CDH23: variants seen among roughly 807,000 people sequenced by gnomAD.
The protein encoded by CDH23 is cadherin-23.
Under a neutral mutation model 317.1 loss-of-function variants are expected in CDH23, and 189 were observed. The ratio of observed to expected loss-of-function variants is 0.60; its 90% CI spans 0.53 to 0.67. The LOEUF (loss-of-function observed/expected upper bound fraction) is 0.67. Among genes scored for constraint, CDH23 ranks in the 30% least tolerant of loss-of-function variants. CDH23 has a pLI of 0.00. For synonymous variants in CDH23, 1,839 were observed against 1,876.8 expected, an observed-to-expected ratio of 0.98 and a Z score of 0.52; for missense variants, 4,401 against 4,592.4, an observed-to-expected ratio of 0.96 and a Z score of 1.20.
chr10:71,580,008 G>T (rs1021284670), intron 9 of CDH23, among the ~76,000 whole-genome samples: 1 of 152,178 alleles, frequency 6.6e-6, no homozygotes, highest in Non-Finnish European at 1.5e-5. Context: ...GGAGCAGAGA[G>T]CCAGGACTTG....
At chr10:71,702,921 A>G (rs1865647351) in intron 24 of CDH23, among the ~76,000 whole-genome samples, 1 of 152,210 alleles carries the variant, frequency 6.6e-6, no homozygotes, top group African/African-American at 2.4e-5. Flanking sequence ...TCTGGAAGTC[A>G]TGTCCAAGTT....
chr10:71,812,315 T>A (rs747092318), intron 66 of CDH23, 165 bp from the exon 67 acceptor site: 1 of 1,598,780 alleles, frequency 6.3e-7, no homozygotes, highest in South Asian at 1.1e-5. Flanking sequence ...TCCAGCAGGA[T>A]CCTATGGTGG....
At chr10:71,513,247 T>C (rs1854095536) in intron 6 of CDH23, among the ~76,000 whole-genome samples, 1 of 152,134 alleles carries the variant, frequency 6.6e-6, no homozygotes, top group African/African-American at 2.4e-5. Flanking sequence ...GGGGATGTGG[T>C]ATCAGCTGGA....
intron 3 of CDH23, among the ~76,000 whole-genome samples, chr10:71,469,169 G>T (rs964803332): frequency 2.0e-5 from 3 of 152,174 alleles, no homozygotes; most frequent in African/African-American, 7.2e-5. Context: ...ATGATAGACT[G>T]CACCACTTAA....
chr10:71,738,734 C>T lies in CDH23; in HGVS notation c.4359+87C>T. The T allele has an allele frequency of 2.0e-6, 3 of 1,467,082 alleles. 1 individual carries two copies. Among genetic ancestry groups the T allele is most frequent in the Non-Finnish European group, 2.8e-6 (3 of 1,085,574 alleles). 90.9% of individuals were successfully genotyped at this position (1,467,082 alleles called of 1,614,324 possible). On this transcript the variant is annotated intron_variant, in intron 35 of 69. Transcript: ENST00000224721. ...AGCTGGAGGGGCCTTCTGAGCCACC[C>T]CCATCACCAAGCACCAGGTTCTTCC...
intron 7 of CDH23, 115 bp from the exon 8 acceptor site, chr10:71,570,675 C>T: frequency 5.1e-6 from 6 of 1,168,632 alleles, no homozygotes; most frequent in Non-Finnish European, 7.3e-6. Context: ...TGTGCGTGTG[C>T]ATGTGTTTGC....
intron 32 of CDH23, among the ~76,000 whole-genome samples, chr10:71,733,007 C>A (rs1214416549): frequency 6.6e-6 from 1 of 152,198 alleles, no homozygotes; most frequent in Non-Finnish European, 1.5e-5. Flanking sequence ...CTCAGTCTCA[C>A]AAAACTGCCT....
At chr10:71,657,118 C>A (rs1336850165) in intron 14 of CDH23, among the ~76,000 whole-genome samples, 1 of 152,210 alleles carries the variant, frequency 6.6e-6, no homozygotes, top group Non-Finnish European at 1.5e-5. Context: ...GTGCATGCGT[C>A]TCCATCTCCG....
intron 2 of CDH23, among the ~76,000 whole-genome samples, chr10:71,442,412 T>C (rs562074999): frequency 1.8e-3 from 269 of 152,234 alleles, no homozygotes; most frequent in African/African-American, 6.0e-3. Flanking sequence ...TAGACACCCC[T>C]GACCTAGCCC....
At chr10:71,637,595 G>A (rs1862336633) in intron 11 of CDH23, among the ~76,000 whole-genome samples, 1 of 152,168 alleles carries the variant, frequency 6.6e-6, no homozygotes, top group African/African-American at 2.4e-5. Context: ...CAACTCCAGA[G>A]GTTGTGGCTT....
rs563572494 is a variant in CDH23, at chr10:71,800,492, T to A, written c.7363-144T>A. ...GTGAGAGCAAGAAGAGCCCCTAGAATGGGAGCTTGCTGGGGGCAGAGGTTA... is the reference window on the plus strand; with the variant it reads ...GTGAGAGCAAGAAGAGCCCCTAGAAAGGGAGCTTGCTGGGGGCAGAGGTTA... On this transcript the variant is annotated intron_variant, in intron 52 of 69. Coordinates refer to ENST00000224721, the MANE Select transcript of CDH23 (RefSeq NM_022124.6). 3.0e-6 allele frequency: 3 copies of A among 1,014,894 alleles called. No homozygotes were observed. The African/African-American group carries it at 4.8e-5, about 16-fold the overall frequency. 62.9% of individuals were successfully genotyped at this position (1,014,894 alleles called of 1,614,324 possible).
intron 21 of CDH23, 134 bp downstream of exon 21, chr10:71,694,393 C>T: frequency 1.5e-6 from 1 of 688,434 alleles, no homozygotes; most frequent in Non-Finnish European, 2.5e-6. Flanking sequence ...CGAAAATGAA[C>T]CCATCAGCAG....
intron 44 of CDH23, among the ~76,000 whole-genome samples, chr10:71,786,875 G>T (rs1179417808): frequency 6.6e-6 from 1 of 151,724 alleles, no homozygotes; most frequent in Non-Finnish European, 1.5e-5. Context: ...CTTCAGGAGG[G>T]CCCCGGGTAA....
At chr10:71,559,391 C>T (rs541214491) in intron 6 of CDH23, among the ~76,000 whole-genome samples, 4 of 152,284 alleles carry the variant, frequency 2.6e-5, no homozygotes, top group African/African-American at 7.2e-5. Context: ...TATTGAATGC[C>T]TTCTATGCAC....
chr10:71,669,112 C>T (rs777182249), intron 14 of CDH23, among the ~76,000 whole-genome samples: 34 of 152,186 alleles, frequency 2.2e-4, no homozygotes, highest in Non-Finnish European at 4.0e-4. Context: ...GAGCGCTGAG[C>T]GGCCATTGAT....
intron 9 of CDH23, among the ~76,000 whole-genome samples, chr10:71,588,527 A>T (rs1859243939): frequency 6.6e-6 from 1 of 152,136 alleles, no homozygotes; most frequent in African/African-American, 2.4e-5. Context: ...TATTAGCATT[A>T]AAAAAATTAT....
intron 3 of CDH23, among the ~76,000 whole-genome samples, chr10:71,455,930 G>A (rs559999502): frequency 6.6e-5 from 10 of 152,224 alleles, no homozygotes; most frequent in South Asian, 4.2e-4. Flanking sequence ...GCTGGGGTCC[G>A]GATTGCAGCT....
At chr10:71,614,003 A>G (rs1208113528) in intron 9 of CDH23, among the ~76,000 whole-genome samples, 4 of 152,364 alleles carry the variant, frequency 2.6e-5, no homozygotes, top group Non-Finnish European at 4.4e-5. Flanking sequence ...TGTGGGGCAG[A>G]TGCCATTATT....
chr10:71,666,356 C>A (rs1219949965), intron 14 of CDH23, among the ~76,000 whole-genome samples: 1 of 152,098 alleles, frequency 6.6e-6, no homozygotes, highest in Non-Finnish European at 1.5e-5. Flanking sequence ...AGGACGTGTA[C>A]TCTCTTATCC....
Sources: gnomAD v4.1 joint callset for allele counts (sites outside exome capture counted in the v4.1 genomes callset) on GRCh38, gnomAD v4.1.1 for gene constraint, MANE v1.5 for transcripts, NCBI Gene and HGNC (gene_info 2026-07-23, HGNC 2026-07-21) for gene names.